The following FXYD3 variants were observed in gnomAD, a reference collection of about 807,000 sequenced individuals.
FXYD3 encodes the protein FXYD domain-containing ion transport regulator 3.
FXYD3 carries 13 observed loss-of-function variants against 19.2 expected under a neutral mutation model. That is an observed-to-expected ratio of 0.68 (90% CI 0.44 to 1.08). The LOEUF is 1.08. FXYD3 is among the 50% of genes least tolerant of loss of function. The pLI, the probability that FXYD3 is intolerant of heterozygous loss-of-function variation, is 0.00. For synonymous variants in FXYD3, 48 were observed against 38.9 expected (o/e 1.23, Z -0.87); for missense variants, 101 against 109.4 (o/e 0.92, Z 0.34).
rs754961156 is a variant in FXYD3 at position 35,119,421 on chromosome 19, G to A, written c.40+5G>A. On this transcript the variant is annotated splice_donor_5th_base_variant and intron_variant, in intron 3 of 8. Transcript: ENST00000604404. ...GCCTGCTTGTGTTCCTGGCAGGTGA[G>A]TACCCATCCCCCGTCTGCCTTTTCC... is the stretch of plus-strand genomic sequence containing the variant. The A allele has an allele frequency of 3.7e-6, 6 of 1,613,646 alleles. No individual in the cohort carries two copies. The South Asian group carries it at 5.5e-5, about 15-fold the overall frequency.
At chr19:35,117,305 C>A in intron 2 of FXYD3, 1 of 1,508,870 alleles carries the variant, frequency 6.6e-7, no homozygotes, top group South Asian at 1.3e-5. Flanking sequence ...TGGATGACAT[C>A]ATGGGAAGGG....
chr19:35,120,266 A>G (rs2065011750), intron 3 of FXYD3, among the ~76,000 whole-genome samples: 3 of 151,994 alleles, frequency 2.0e-5, no homozygotes, highest in Non-Finnish European at 2.9e-5. Context: ...CAGCCTCCCA[A>G]GTAGCTGGCA....
At chr19:35,116,488 C>T (rs555834960) in intron 2 of FXYD3, 129 bp downstream of exon 2, 215 of 985,354 alleles carry the variant, frequency 2.2e-4, no homozygotes, top group Non-Finnish European at 2.5e-4. Context: ...TTGTGAAATG[C>T]TTTTCTGGAG....
intron 3 of FXYD3, 77 bp downstream of exon 3, chr19:35,119,493 G>T (rs2064985631): frequency 7.5e-7 from 1 of 1,335,206 alleles, no homozygotes; most frequent in Admixed American, 1.7e-5. Flanking sequence ...TCTCTCCTGT[G>T]CTTTTCTACC....
chr19:35,119,084 T>G, intron 2 of FXYD3: 4 of 951,830 alleles, frequency 4.2e-6, no homozygotes, highest in South Asian at 1.4e-5. Context: ...CAGCGGGCAG[T>G]GGCGCCCTTG....
At chr19:35,119,177 T>A (rs771706647) in intron 2 of FXYD3, 186 bp from the exon 3 acceptor site, 5 of 1,556,676 alleles carry the variant, frequency 3.2e-6, no homozygotes, top group Non-Finnish European at 3.5e-6. Flanking sequence ...GGCCCGAGTT[T>A]CACCCAGTCC....
At position 35,122,539 on chromosome 19, in the gene FXYD3, C is replaced by T. The variant is rs1418017030; in HGVS notation, c.98-226C>T. On this transcript the variant is annotated intron_variant, in intron 5 of 8. Transcript: ENST00000604404. ...CTCTGACTTTCCATCTCCCACCCCA[C>T]TTATTTTTCTTCAAACCACTTATCT... The T allele has an allele frequency of 7.0e-6, 4 of 570,544 alleles. No individual in the cohort carries two copies. The African/African-American group carries it at 7.7e-5, about 11-fold the overall frequency. 35.3% of individuals were successfully genotyped at this position (570,544 alleles called of 1,614,324 possible).
intron 3 of FXYD3, among the ~76,000 whole-genome samples, chr19:35,120,242 C>T (rs1403321390): frequency 2.6e-5 from 4 of 151,704 alleles, no homozygotes; most frequent in Non-Finnish European, 4.4e-5. Context: ...CAGGTTCAAG[C>T]GACTCTCCTG....
intron 3 of FXYD3, 113 bp downstream of exon 3, chr19:35,119,529 A>G: frequency 1.1e-6 from 1 of 943,080 alleles, no homozygotes. Flanking sequence ...TAAATGTTAG[A>G]ACAGCATCTC....
rs746593023 is a variant in FXYD3 at position 35,119,369 on chromosome 19, G to T, written c.-8G>T. 101 of 1,614,012 alleles carry T rather than the reference G, an allele frequency of 6.3e-5. No individual in the cohort carries two copies. Among genetic ancestry groups the T allele is most frequent in the Non-Finnish European group, 5.9e-5 (70 of 1,180,002 alleles). On this transcript the variant is annotated 5_prime_UTR_variant, in exon 3 of 9. Transcript: ENST00000604404. ...CCTCCCGCCACCCCTCTAGGCCAGC[G>T]CTCTGACATGCAGAAGGTGACCCTG...
chr19:35,120,025 C>T (rs1281885778), intron 3 of FXYD3: 1 of 152,334 alleles, frequency 6.6e-6, no homozygotes, highest in Non-Finnish European at 1.5e-5. Flanking sequence ...TGAAATGACA[C>T]CTTCAAAGCA....
At chr19:35,121,051 C>A (rs948154732) in intron 3 of FXYD3, 27 bp from the exon 4 acceptor site, 16 of 1,611,058 alleles carry the variant, frequency 9.9e-6, no homozygotes, top group Non-Finnish European at 1.4e-5. Context: ...ATCACCATCT[C>A]CCCTCCTTCC....
chr19:35,118,457 G>T, intron 2 of FXYD3: 1 of 989,578 alleles, frequency 1.0e-6, no homozygotes, highest in Non-Finnish European at 1.2e-6. Context: ...GGAGGCCAGG[G>T]CTTGGTGCAG....
intron 2 of FXYD3, chr19:35,116,814 G>A (rs995613998): frequency 2.0e-6 from 2 of 985,320 alleles, no homozygotes; most frequent in African/African-American, 3.5e-5. Context: ...AAGGAGTGCT[G>A]GGTGGACTCG....
intron 2 of FXYD3, chr19:35,116,970 G>A (rs1357792653): frequency 2.0e-6 from 2 of 985,184 alleles, no homozygotes; most frequent in Non-Finnish European, 1.2e-6. Flanking sequence ...CCCTGAACAT[G>A]AGACCATTCT....
intron 5 of FXYD3, chr19:35,121,572 C>T (rs1359815820): frequency 4.3e-6 from 6 of 1,385,480 alleles, no homozygotes; most frequent in Admixed American, 3.2e-5. Context: ...GGATCAAAAC[C>T]CTCATCTGGC....
At chr19:35,116,906 G>A (rs1423628054) in intron 2 of FXYD3, 12 of 985,046 alleles carry the variant, frequency 1.2e-5, no homozygotes, top group African/African-American at 1.8e-5. Flanking sequence ...CTTTAAATGG[G>A]GAGTTGCTTG....
intron 3 of FXYD3, 98 bp from the exon 4 acceptor site, chr19:35,120,980 A>G: frequency 7.7e-7 from 1 of 1,291,440 alleles, no homozygotes; most frequent in Non-Finnish European, 1.1e-6. Context: ...CCCGCAGGAG[A>G]CCCTTTCCCA....
At chr19:35,121,452 TAGAC>T in intron 5 of FXYD3, 1 of 1,482,580 alleles carries the variant, frequency 6.7e-7, no homozygotes, top group Admixed American at 2.4e-5. Flanking sequence ...TCCAGCAAGA[TAGAC>T]ACACGCAGGA....
Sources: allele counts gnomAD v4.1 joint callset (sites outside exome capture counted in the v4.1 genomes callset), GRCh38; gene constraint gnomAD v4.1.1; transcripts MANE v1.5; gene names NCBI Gene and HGNC (gene_info 2026-07-23, HGNC 2026-07-21).